Variants in LSG1 observed in about 807,000 individuals in gnomAD.
The protein encoded by LSG1 is large subunit GTPase 1 homolog.
LSG1 carries 55 observed loss-of-function variants against 82.6 expected under a neutral mutation model. The ratio of observed to expected loss-of-function variants is 0.67; its 90% CI spans 0.54 to 0.83. LSG1 has a LOEUF of 0.83. LSG1 is among the 40% of genes least tolerant of loss of function. LSG1 has a pLI of 0.00. For missense variants in LSG1, 809 were observed against 807.9 expected, an observed-to-expected ratio of 1.00 and a Z score of -0.02; for synonymous variants, 272 against 282.5, an observed-to-expected ratio of 0.96 and a Z score of 0.37.
intron 12 of LSG1, chr3:194,645,407 A>AGGG (rs1360545453): frequency 1.3e-5 from 2 of 152,200 alleles, no homozygotes; most frequent in Non-Finnish European, 2.9e-5. Context: ...GGTTATTAAC[A>AGGG]GGGCCCTGTA....
intron 1 of LSG1, 154 bp downstream of exon 1, chr3:194,671,910 A>T: frequency 2.9e-6 from 2 of 698,692 alleles, no homozygotes; most frequent in Non-Finnish European, 5.1e-6. Flanking sequence ...TGCCAGGAGG[A>T]GGGCCTGCTA....
chr3:194,662,246 C>T (rs987380611), intron 5 of LSG1, among the ~76,000 whole-genome samples: 4 of 152,224 alleles, frequency 2.6e-5, no homozygotes, highest in Non-Finnish European at 4.4e-5. Flanking sequence ...GCCCCCATTC[C>T]CCACCCCAAT....
intron 12 of LSG1, 88 bp downstream of exon 12, chr3:194,646,076 T>C: frequency 7.8e-7 from 1 of 1,289,900 alleles, no homozygotes; most frequent in Non-Finnish European, 1.1e-6. Context: ...ATATTTCCTT[T>C]ATAATCGAAC....
intron 7 of LSG1, among the ~76,000 whole-genome samples, chr3:194,658,422 C>T (rs1308976142): frequency 6.6e-6 from 1 of 152,182 alleles, no homozygotes; most frequent in Admixed American, 6.5e-5. Flanking sequence ...GCTGGGATTA[C>T]AGGAGTGAGC....
At chr3:194,669,116 G>A (rs2108623152) in intron 2 of LSG1, among the ~76,000 whole-genome samples, 1 of 152,300 alleles carries the variant, frequency 6.6e-6, no homozygotes. Context: ...GAGGTCTAAT[G>A]TACAGCCTGG....
chr3:194,671,797 G>C (rs984441794), intron 1 of LSG1: 2 of 500,536 alleles, frequency 4.0e-6, no homozygotes, highest in Non-Finnish European at 7.0e-6. Context: ...AAACCCAAAC[G>C]TACTCAAGAC....
chr3:194,667,367 G>T (rs186329209), intron 2 of LSG1, among the ~76,000 whole-genome samples: 1 of 151,930 alleles, frequency 6.6e-6, no homozygotes, highest in South Asian at 2.1e-4. Context: ...TGTAAACTTC[G>T]AACAGATACT....
intron 10 of LSG1, 114 bp downstream of exon 10, chr3:194,650,767 G>A (rs1773206): frequency 0.5 from 540,177 of 1,070,738 alleles, 138,289 homozygotes; most frequent in Non-Finnish European, 0.53. Flanking sequence ...AACTTGTGCA[G>A]ATCACTAGTA....
At chr3:194,671,360 T>C (rs1719136368) in intron 1 of LSG1, among the ~76,000 whole-genome samples, 1 of 152,192 alleles carries the variant, frequency 6.6e-6, no homozygotes, top group Non-Finnish European at 1.5e-5. Flanking sequence ...CTGCAGACTA[T>C]ATGGATGAAA....
rs1560219737 is a variant in LSG1, at chr3:194,645,551, C to CACAGACAG, written c.1623+612_1623+613insCTGTCTGT. 1.8e-4 allele frequency: 9 copies of CACAGACAG among 48,740 alleles called. 1 individual carries two copies. The highest frequency in any genetic ancestry group is 2.6e-4 in the Non-Finnish European group (6 of 23,312). The allele number at this position is 48,740 out of a possible 1,614,324, so 3.0% of individuals were successfully genotyped here. On this transcript the variant is annotated intron_variant, in intron 12 of 13. Transcript: ENST00000265245. ...ACACAGACAGACACACACACACACA[C>CACAGACAG]ACACACACACACACACACAGACAGA... is the stretch of plus-strand genomic sequence containing the variant.
intron 11 of LSG1, among the ~76,000 whole-genome samples, chr3:194,647,005 A>T (rs1195996058): frequency 6.6e-6 from 1 of 152,260 alleles, no homozygotes; most frequent in Non-Finnish European, 1.5e-5. Context: ...GGTGGTTAAG[A>T]ACACGGCTTC....
In LSG1 at chr3:194,666,244, T is replaced by A. The variant is rs780796095; in HGVS notation, c.393A>T (p.Ala131=). 8.1e-6 allele frequency: 13 copies of A among 1,614,060 alleles called. No homozygotes were observed. Among genetic ancestry groups the A allele is most frequent in the Admixed American group, 5.0e-5 (3 of 60,006 alleles). ...TCCATTCTAGAAAGTTATCTTTCTC[T>A]GCTTGTTTGAGTTCTTCTGGGGTAG... is the stretch of plus-strand genomic sequence containing the variant. ...QNTTPEELKQ[A]EKDNFLEWRR... The change falls in exon 4 of 14, where the codon GCA becomes GCT. Residue 131 remains alanine (A), a synonymous_variant. Coordinates refer to ENST00000265245, the MANE Select transcript of LSG1 (RefSeq NM_018385.3).
chr3:194,657,021 A>G (rs1297118426), intron 7 of LSG1, among the ~76,000 whole-genome samples: 1 of 152,090 alleles, frequency 6.6e-6, no homozygotes, highest in African/African-American at 2.4e-5. Context: ...GAGGGGAGGG[A>G]TAACATTAGG....
intron 8 of LSG1, chr3:194,651,552 A>G (rs1389236832): frequency 3.4e-6 from 1 of 292,044 alleles, no homozygotes; most frequent in Non-Finnish European, 6.5e-6. Context: ...CATCTTCCAC[A>G]CTGGGTGAGG....
At chr3:194,643,019 G>A (rs780391891) in intron 13 of LSG1, among the ~76,000 whole-genome samples, 1 of 152,206 alleles carries the variant, frequency 6.6e-6, no homozygotes, top group Non-Finnish European at 1.5e-5. Context: ...TGCAGATAAA[G>A]CACGGGATAA....
intron 12 of LSG1, among the ~76,000 whole-genome samples, chr3:194,645,697 C>A (rs1413254282): frequency 6.6e-6 from 1 of 151,980 alleles, no homozygotes; most frequent in Non-Finnish European, 1.5e-5. Flanking sequence ...GGGGAAACCC[C>A]CAAATAGCAT....
rs1718397728 is a variant in LSG1, at chr3:194,641,855, A to G, written c.*213T>C. 4.4e-6 allele frequency: 2 copies of G among 454,296 alleles called. No individual in the cohort carries two copies. Among genetic ancestry groups the G allele is most frequent in the Admixed American group, 7.7e-5 (2 of 25,990 alleles). 28.1% of individuals were successfully genotyped at this position (454,296 alleles called of 1,614,324 possible). Reference sequence around the variant, plus strand: ...GCCACTGTGCCCGGCCAGGAGTAGGATTCTCGGGCTCCCAGATGACTCCTT... The same window carrying G: ...GCCACTGTGCCCGGCCAGGAGTAGGGTTCTCGGGCTCCCAGATGACTCCTT... On this transcript the variant is annotated 3_prime_UTR_variant, in exon 14 of 14. Coordinates refer to ENST00000265245, the MANE Select transcript of LSG1 (RefSeq NM_018385.3).
At chr3:194,669,366 TC>T (rs869147875) in intron 2 of LSG1, among the ~76,000 whole-genome samples, 5 of 152,020 alleles carry the variant, frequency 3.3e-5, no homozygotes, top group African/African-American at 1.2e-4. Context: ...AACCCACACA[TC>T]CCCCCAAAAA....
At chr3:194,642,572 A>G (rs1325479558) in intron 13 of LSG1, among the ~76,000 whole-genome samples, 1 of 152,046 alleles carries the variant, frequency 6.6e-6, no homozygotes, top group Non-Finnish European at 1.5e-5. Flanking sequence ...AATGGACTCT[A>G]AACAAATTTT....
Sources: gnomAD v4.1 joint callset for allele counts (sites outside exome capture counted in the v4.1 genomes callset) on GRCh38, gnomAD v4.1.1 for gene constraint, MANE v1.5 for transcripts, NCBI Gene and HGNC (gene_info 2026-07-23, HGNC 2026-07-21) for gene names.